COLEC12: variants seen among roughly 807,000 people sequenced by gnomAD.
COLEC12 encodes the protein collectin-12.
In COLEC12, 33 loss-of-function variants were observed where a neutral mutation model predicts 71.1. The observed-to-expected ratio is 0.46, with a 90% CI of 0.35 to 0.62. COLEC12 has a LOEUF of 0.62. Among genes scored for constraint, COLEC12 ranks in the 20% least tolerant of loss-of-function variants. The pLI is 0.00. For missense variants in COLEC12, 765 were observed against 916.1 expected (o/e 0.84, Z 2.13); for synonymous variants, 350 against 353.0 (o/e 0.99, Z 0.10).
chr18:478,689 T>C (rs1417363938), intron 2 of COLEC12, among the ~76,000 whole-genome samples: 7 of 152,244 alleles, frequency 4.6e-5, no homozygotes, highest in African/African-American at 1.7e-4. Context: ...TCTGGTCCTA[T>C]GCTGGATATC....
chr18:457,828 A>G (rs1167890883), intron 2 of COLEC12, among the ~76,000 whole-genome samples: 1 of 152,230 alleles, frequency 6.6e-6, no homozygotes, highest in Admixed American at 6.5e-5. Flanking sequence ...AGTGACTGCC[A>G]ACAAAAGCTG....
At chr18:455,951 A>G (rs1198194576) in intron 2 of COLEC12, among the ~76,000 whole-genome samples, 1 of 152,158 alleles carries the variant, frequency 6.6e-6, no homozygotes, top group African/African-American at 2.4e-5. Context: ...GCTATTGTAA[A>G]TAGTGCTCAG....
intron 5 of COLEC12, among the ~76,000 whole-genome samples, chr18:335,831 G>GT (rs1315615855): frequency 2.6e-5 from 4 of 152,140 alleles, no homozygotes; most frequent in African/African-American, 4.8e-5. Context: ...AGAATGTATT[G>GT]TAACAGTGCA....
chr18:329,677 G>A (rs1054987959), intron 8 of COLEC12, among the ~76,000 whole-genome samples: 66 of 152,228 alleles, frequency 4.3e-4, no homozygotes, highest in Middle Eastern at 3.2e-3. Context: ...CAGGCCTGCA[G>A]CAGATATCCA....
intron 2 of COLEC12, among the ~76,000 whole-genome samples, chr18:404,701 T>G (rs1365621547): frequency 6.6e-6 from 1 of 152,222 alleles, no homozygotes; most frequent in Non-Finnish European, 1.5e-5. Flanking sequence ...TCCTGTTATC[T>G]TCATAAGCTG....
intron 2 of COLEC12, among the ~76,000 whole-genome samples, chr18:403,786 T>C (rs1915733333): frequency 6.6e-6 from 1 of 151,442 alleles, no homozygotes; most frequent in Non-Finnish European, 1.5e-5. Flanking sequence ...AATATCTCCA[T>C]AGCCAATTTT....
chr18:368,824 T>TGC (rs1567886787), intron 2 of COLEC12, among the ~76,000 whole-genome samples: 2 of 151,942 alleles, frequency 1.3e-5, no homozygotes. Flanking sequence ...CGAGATCACG[T>TGC]CACTGCACTC....
At chr18:425,588 A>G (rs1275294718) in intron 2 of COLEC12, among the ~76,000 whole-genome samples, 2 of 152,138 alleles carry the variant, frequency 1.3e-5, no homozygotes, top group African/African-American at 4.8e-5. Flanking sequence ...CGCTGGGGGA[A>G]GAGGTGGGGG....
At chr18:476,341 G>T (rs1917303028) in intron 2 of COLEC12, among the ~76,000 whole-genome samples, 1 of 152,096 alleles carries the variant, frequency 6.6e-6, no homozygotes, top group African/African-American at 2.4e-5. Flanking sequence ...CTATGCCTGA[G>T]CCCCAAAGAA....
chr18:466,219 G>A (rs1280245118), intron 2 of COLEC12, among the ~76,000 whole-genome samples: 1 of 152,148 alleles, frequency 6.6e-6, no homozygotes, highest in Non-Finnish European at 1.5e-5. Context: ...CAGCCTGGGC[G>A]ACAGATTGAG....
intron 2 of COLEC12, among the ~76,000 whole-genome samples, chr18:423,160 T>C (rs370783266): frequency 7.9e-5 from 12 of 152,110 alleles, no homozygotes; most frequent in East Asian, 5.8e-4. Flanking sequence ...TCCTAGCTCC[T>C]TGGGAAGATG....
chr18:353,685 T>G (rs1914570100), intron 3 of COLEC12, among the ~76,000 whole-genome samples: 1 of 152,248 alleles, frequency 6.6e-6, no homozygotes, highest in Admixed American at 6.5e-5. Flanking sequence ...AGCTCCTAGC[T>G]GGTGCTCACA....
chr18:358,964 G>A lies in COLEC12; in HGVS notation c.59-1442C>T, dbSNP rs569405204. ...CTGAAACGTTACGTGGCACATGACTGTAGTTTCAAATCAAATTCCATTATG... is the reference window on the plus strand; with the variant it reads ...CTGAAACGTTACGTGGCACATGACTATAGTTTCAAATCAAATTCCATTATG... On this transcript the variant is annotated intron_variant, in intron 2 of 9. Transcript: ENST00000400256. Among the ~76,000 whole-genome samples the A allele has an allele frequency of 9.7e-4, 148 of 152,300 alleles. 1 individual carries two copies. The highest frequency in any genetic ancestry group is 2.4e-3 in the Admixed American group (36 of 15,298).
chr18:327,473 G>A lies in COLEC12; in HGVS notation c.2063+4195C>T, dbSNP rs981235836. ...CCCTCAGCTGGTCCTGTCCTGCTGC[G>A]GTGCAGAAAGAGCCATAAGATTCAG... On this transcript the variant is annotated intron_variant, in intron 8 of 9. Transcript: ENST00000400256. This position sits in a 1 kb window ranked among gnomAD's most constrained non-coding sequence, Gnocchi z 4.0. 5.9e-5 allele frequency among the ~76,000 whole-genome samples: 9 copies of A among 152,124 alleles called. No individual in the cohort carries two copies. Among genetic ancestry groups the A allele is most frequent in the African/African-American group, 1.4e-4 (6 of 41,416 alleles).
intron 2 of COLEC12, among the ~76,000 whole-genome samples, chr18:444,407 G>A (rs1414720223): frequency 6.6e-6 from 1 of 152,078 alleles, no homozygotes; most frequent in Non-Finnish European, 1.5e-5. Flanking sequence ...GCTGTGGCAG[G>A]TAAAACCAAT....
chr18:422,569 T>C (rs1916119074), intron 2 of COLEC12, among the ~76,000 whole-genome samples: 2 of 151,928 alleles, frequency 1.3e-5, no homozygotes, highest in South Asian at 4.1e-4. Context: ...AAAATGTGAG[T>C]TTCCTTTACC....
chr18:344,798 T>C (rs116280921), intron 5 of COLEC12, among the ~76,000 whole-genome samples: 2,446 of 152,340 alleles, frequency 0.016, 75 homozygotes, highest in African/African-American at 0.056. Flanking sequence ...CTTCATTTGA[T>C]TGACATCTTG....
intron 8 of COLEC12, among the ~76,000 whole-genome samples, chr18:330,174 A>G (rs913195466): frequency 6.6e-6 from 1 of 152,182 alleles, no homozygotes; most frequent in African/African-American, 2.4e-5. Flanking sequence ...TGAAAGTACA[A>G]AAGAGCCTGT....
At chr18:335,657 C>T (rs2341745) in intron 5 of COLEC12, among the ~76,000 whole-genome samples, 20,489 of 152,170 alleles carry the variant, frequency 0.13, 1,722 homozygotes, top group East Asian at 0.38. Context: ...AACAACACTG[C>T]TGACACCTTG....
Sources: allele counts gnomAD v4.1 joint callset (sites outside exome capture counted in the v4.1 genomes callset), GRCh38; gene constraint gnomAD v4.1.1; non-coding constraint Gnocchi (gnomAD v3.1); transcripts MANE v1.5; gene names NCBI Gene and HGNC (gene_info 2026-07-23, HGNC 2026-07-21).